Variants in MAF observed in about 807,000 individuals in gnomAD.
MAF encodes transcription factor Maf.
MAF carries 10 observed loss-of-function variants against 22.0 expected under a neutral mutation model. The ratio of observed to expected loss-of-function variants is 0.45; its 90% CI spans 0.28 to 0.77. The LOEUF (loss-of-function observed/expected upper bound fraction) is 0.77, where lower values mean the gene tolerates loss of function less well. Ranked by LOEUF, MAF falls within the 30% of genes least tolerant of loss-of-function variation. The pLI, the probability that MAF is intolerant of heterozygous loss-of-function variation, is 0.12. For missense variants in MAF, 544 were observed against 548.4 expected (o/e 0.99, Z 0.08); for synonymous variants, 337 against 255.8 (o/e 1.32, Z -3.03).
At chr16:79,517,241 A>G in the MAF span, among the ~76,000 whole-genome samples, 1 of 152,270 alleles carries the variant, frequency 6.6e-6, no homozygotes, top group East Asian at 1.9e-4. Context: ...CCAAAGACCA[A>G]CCATTCCCAC....
the MAF span, among the ~76,000 whole-genome samples, chr16:79,236,345 G>A: frequency 6.6e-6 from 1 of 151,822 alleles, no homozygotes; most frequent in Non-Finnish European, 1.5e-5. Context: ...CCCTCCTCCA[G>A]GCTCATTGAG....
the MAF span, among the ~76,000 whole-genome samples, chr16:79,502,727 A>G: frequency 2.9e-5 from 3 of 104,476 alleles, no homozygotes; most frequent in Non-Finnish European, 3.6e-5. Context: ...ATATATATAT[A>G]TATATATATA....
At chr16:79,521,161 T>A in the MAF span, among the ~76,000 whole-genome samples, 1 of 152,226 alleles carries the variant, frequency 6.6e-6, no homozygotes, top group Non-Finnish European at 1.5e-5. Flanking sequence ...GCAGTTAAAG[T>A]GAACATCTTA....
the MAF span, among the ~76,000 whole-genome samples, chr16:79,554,090 AAAACAAACAAAC>A: frequency 3.4e-4 from 41 of 121,112 alleles, no homozygotes; most frequent in Admixed American, 5.6e-4. Flanking sequence ...CTGCCTCTCA[AAAACAAACAAAC>A]AAACAAACAA....
At chr16:79,338,139 C>T in the MAF span, among the ~76,000 whole-genome samples, 1 of 152,108 alleles carries the variant, frequency 6.6e-6, no homozygotes, top group East Asian at 1.9e-4. Context: ...TTCAGCAGGG[C>T]CGACTTTGCA....
the MAF span, among the ~76,000 whole-genome samples, chr16:79,532,094 T>C: frequency 6.6e-6 from 1 of 152,062 alleles, no homozygotes; most frequent in East Asian, 1.9e-4. Flanking sequence ...GATTGACTTA[T>C]ACTAAAATAT....
the MAF span, among the ~76,000 whole-genome samples, chr16:79,567,244 G>A: frequency 1.7e-4 from 26 of 152,240 alleles, 1 homozygote; most frequent in East Asian, 4.8e-3. Flanking sequence ...CTTGAACCCA[G>A]GAGACAGAGG....
chr16:79,299,432 A>G, the MAF span, among the ~76,000 whole-genome samples: 1 of 152,076 alleles, frequency 6.6e-6, no homozygotes, highest in African/African-American at 2.4e-5. Context: ...TTCAGTCTCT[A>G]TTAAGATAAC....
At chr16:79,342,172 G>C in the MAF span, among the ~76,000 whole-genome samples, 1 of 152,166 alleles carries the variant, frequency 6.6e-6, no homozygotes, top group East Asian at 1.9e-4. Context: ...CCGGCAGGTA[G>C]GTGGCACACC....
chr16:79,339,214 C>T, the MAF span, among the ~76,000 whole-genome samples: 6 of 151,058 alleles, frequency 4.0e-5, no homozygotes, highest in African/African-American at 1.2e-4. Flanking sequence ...GTACTACAGG[C>T]ACCCGCCACC....
At chr16:79,411,449 G>A in the MAF span, among the ~76,000 whole-genome samples, 1 of 152,162 alleles carries the variant, frequency 6.6e-6, no homozygotes, top group East Asian at 1.9e-4. Flanking sequence ...CATTCAAACA[G>A]GCCTCTGAAG....
the MAF span, among the ~76,000 whole-genome samples, chr16:79,262,641 C>T: frequency 1.3e-5 from 2 of 152,130 alleles, no homozygotes; most frequent in African/African-American, 4.8e-5. Flanking sequence ...GAGGGACGAG[C>T]TGGGCTGCTG....
chr16:79,236,976 T>A, the MAF span, among the ~76,000 whole-genome samples: 1 of 151,824 alleles, frequency 6.6e-6, no homozygotes, highest in Non-Finnish European at 1.5e-5. Flanking sequence ...TCCAAAATTT[T>A]AAATAATGCT....
intron 1 of MAF, chr16:79,597,768 A>G: frequency 9.8e-7 from 1 of 1,022,418 alleles, no homozygotes; most frequent in Non-Finnish European, 1.2e-6. Context: ...AAAAGGAAAA[A>G]ATAATTATAC....
chr16:79,368,213 G>A, the MAF span, among the ~76,000 whole-genome samples: 1 of 152,160 alleles, frequency 6.6e-6, no homozygotes, highest in Non-Finnish European at 1.5e-5. Context: ...GGGAGCTGAT[G>A]CTTTCATTTC....
chr16:79,296,736 A>G, the MAF span, among the ~76,000 whole-genome samples: 1 of 151,996 alleles, frequency 6.6e-6, no homozygotes, highest in Admixed American at 6.6e-5. Flanking sequence ...AGGCCTCAGA[A>G]CTGGCCCTGC....
chr16:79,414,944 C>A, the MAF span, among the ~76,000 whole-genome samples: 1 of 152,228 alleles, frequency 6.6e-6, no homozygotes, highest in Admixed American at 6.5e-5. Context: ...TCCCCAATCA[C>A]TGAGGCAGGG....
chr16:79,331,260 G>A, the MAF span, among the ~76,000 whole-genome samples: 1 of 152,126 alleles, frequency 6.6e-6, no homozygotes, highest in Non-Finnish European at 1.5e-5. Context: ...GTGTGTGACT[G>A]CCACTCCCAT....
chr16:79,596,806 ATC>A (rs1183650322), intron 1 of MAF: 12 of 1,048,948 alleles, frequency 1.1e-5, no homozygotes, highest in Non-Finnish European at 1.4e-5. Flanking sequence ...CTGTAAAAAA[ATC>A]TGCATCATCT....
Sources: allele counts gnomAD v4.1 joint callset (sites outside exome capture counted in the v4.1 genomes callset), GRCh38; gene constraint gnomAD v4.1.1; transcripts MANE v1.5; gene names NCBI Gene and HGNC (gene_info 2026-07-23, HGNC 2026-07-21).